PTPRM: variants seen among roughly 807,000 people sequenced by gnomAD.
PTPRM encodes receptor-type tyrosine-protein phosphatase mu.
In PTPRM, 47 loss-of-function variants were observed where a neutral mutation model predicts 186.7. That is an observed-to-expected ratio of 0.25 (90% CI 0.20 to 0.32). The LOEUF (loss-of-function observed/expected upper bound fraction) is 0.32, where lower values mean the gene tolerates loss of function less well. Ranked by LOEUF, PTPRM falls within the 10% of genes least tolerant of loss-of-function variation. The pLI is 1.00. For synonymous variants in PTPRM, 668 were observed against 674.9 expected (o/e 0.99, Z 0.16); for missense variants, 1,494 against 1,865.0 (o/e 0.80, Z 3.66).
At chr18:7,598,981 T>G (rs995933448) in intron 1 of PTPRM, among the ~76,000 whole-genome samples, 1 of 152,106 alleles carries the variant, frequency 6.6e-6, no homozygotes, top group Non-Finnish European at 1.5e-5. Context: ...TTAGACTAAA[T>G]AAAGATATTT....
chr18:7,861,806 A>G (rs1290557676), intron 2 of PTPRM, among the ~76,000 whole-genome samples: 1 of 152,102 alleles, frequency 6.6e-6, no homozygotes, highest in Non-Finnish European at 1.5e-5. Context: ...GCACATAAAC[A>G]GGAAGCCAAA....
intron 13 of PTPRM, among the ~76,000 whole-genome samples, chr18:8,137,999 G>C (rs147718517): frequency 0.018 from 2,721 of 152,240 alleles, 54 homozygotes; most frequent in African/African-American, 0.048. Context: ...AGCACAAAAC[G>C]TACTAAATAA....
At chr18:7,862,437 G>T (rs1247623334) in intron 2 of PTPRM, among the ~76,000 whole-genome samples, 1 of 152,100 alleles carries the variant, frequency 6.6e-6, no homozygotes. Flanking sequence ...CCACATTCAG[G>T]TGTTTTCAAT....
chr18:7,688,773 C>G (rs1026883405), intron 1 of PTPRM, among the ~76,000 whole-genome samples: 1 of 152,124 alleles, frequency 6.6e-6, no homozygotes, highest in Non-Finnish European at 1.5e-5. Flanking sequence ...GCCAACTTGT[C>G]AGGAATAAAT....
rs370233267 is a variant in PTPRM at position 8,296,241 on chromosome 18, G to C, written c.2755-127G>C. On this transcript the variant is annotated intron_variant, in intron 19 of 32. Transcript: ENST00000580170. ...TATAAATGTAGTGTAATAATCCCTT[G>C]TCTCATTTCTGTCGGCATTCTTTCC... 424 of 636,944 alleles carry C rather than the reference G, an allele frequency of 6.7e-4. 5 individuals are homozygous for C. The South Asian group carries it at 8.2e-3, about 12-fold the overall frequency. 39.5% of individuals were successfully genotyped at this position (636,944 alleles called of 1,614,324 possible).
At chr18:8,263,718 C>T (rs2094662876) in intron 19 of PTPRM, among the ~76,000 whole-genome samples, 1 of 152,150 alleles carries the variant, frequency 6.6e-6, no homozygotes, top group African/African-American at 2.4e-5. Context: ...AGAGATCACA[C>T]TCTCTAAAAA....
At position 7,578,332 on chromosome 18, in the gene PTPRM, ATTT is replaced by A. The variant is rs34096793; in HGVS notation, c.73+10460_73+10462del. Reference sequence around the variant, plus strand: ...GTGCATCACCATGCCTGGCTAATTAATTTTTTTTTTTTTTTTTTTTTGAGACGG... The same window carrying A: ...GTGCATCACCATGCCTGGCTAATTAATTTTTTTTTTTTTTTTTTGAGACGG... On this transcript the variant is annotated intron_variant, in intron 1 of 32. Transcript: ENST00000580170. Among the ~76,000 whole-genome samples the A allele has an allele frequency of 0.029, 3,556 of 121,474 alleles. 319 individuals are homozygous for A. The East Asian group carries it at 0.31, about 11-fold the overall frequency. The allele number at this position is 121,474 out of a possible 152,430, so 79.7% of individuals were successfully genotyped here. A position where few individuals can be genotyped will look rare whatever the true frequency, so the allele number is the denominator to read the frequency against.
intron 7 of PTPRM, among the ~76,000 whole-genome samples, chr18:8,040,146 T>C (rs924506742): frequency 1.3e-5 from 2 of 152,184 alleles, no homozygotes; most frequent in Non-Finnish European, 2.9e-5. Context: ...TGAAGACTTC[T>C]GGGTGTGTTG....
At chr18:7,789,428 T>C (rs1367263749) in intron 2 of PTPRM, among the ~76,000 whole-genome samples, 1 of 152,148 alleles carries the variant, frequency 6.6e-6, no homozygotes, top group East Asian at 1.9e-4. Flanking sequence ...GATCAATGCT[T>C]TACTTGACAG....
intron 2 of PTPRM, among the ~76,000 whole-genome samples, chr18:7,785,623 C>G (rs1240746631): frequency 6.6e-6 from 1 of 152,204 alleles, no homozygotes; most frequent in Non-Finnish European, 1.5e-5. Context: ...GTCATGCCAA[C>G]ACAGTTTTTC....
At chr18:8,104,166 A>T (rs1383637400) in intron 11 of PTPRM, among the ~76,000 whole-genome samples, 1 of 152,240 alleles carries the variant, frequency 6.6e-6, no homozygotes, top group Non-Finnish European at 1.5e-5. Context: ...TGTAAGATAA[A>T]TGGCACTGAC....
intron 7 of PTPRM, among the ~76,000 whole-genome samples, chr18:8,068,746 TTCCA>T (rs1409751776): frequency 6.6e-6 from 1 of 152,256 alleles, no homozygotes; most frequent in East Asian, 1.9e-4. Flanking sequence ...TACTCTTGTT[TTCCA>T]ATTACATGAT....
chr18:7,710,775 A>G (rs2040195286), intron 1 of PTPRM, among the ~76,000 whole-genome samples: 1 of 152,174 alleles, frequency 6.6e-6, no homozygotes, highest in African/African-American at 2.4e-5. Context: ...GAATAACATC[A>G]AGAACTCAAT....
At chr18:8,165,299 G>A (rs184167058) in intron 14 of PTPRM, among the ~76,000 whole-genome samples, 190 of 152,272 alleles carry the variant, frequency 1.2e-3, no homozygotes, top group Non-Finnish European at 2.5e-3. Context: ...AGCACTCAGT[G>A]GTACTTGTAC....
chr18:8,117,959 T>C (rs542955948), intron 13 of PTPRM, among the ~76,000 whole-genome samples: 19 of 152,184 alleles, frequency 1.2e-4, no homozygotes, highest in Non-Finnish European at 2.6e-4. Flanking sequence ...GTTTTAGTGA[T>C]TAGTGTATGT....
chr18:7,778,815 A>C (rs1041490845), intron 2 of PTPRM, among the ~76,000 whole-genome samples: 3 of 152,120 alleles, frequency 2.0e-5, no homozygotes, highest in African/African-American at 7.2e-5. Flanking sequence ...TATCATAAGG[A>C]TTACTATTTG....
intron 13 of PTPRM, among the ~76,000 whole-genome samples, chr18:8,136,432 A>G (rs569272041): frequency 6.6e-6 from 1 of 152,348 alleles, no homozygotes; most frequent in Admixed American, 6.5e-5. Flanking sequence ...AGCCACATCA[A>G]TAAATGAGGC....
rs2039153614 is a variant in PTPRM, at chr18:7,668,795, G to A, written c.73+100904G>A. ...TGCCATTCCTGCACCCAGAGGCCTA[G>A]AACTTCCTTACCCTGAGCTGTTTTT... On this transcript the variant is annotated intron_variant, in intron 1 of 32. Transcript: ENST00000580170. This position sits in a 1 kb window ranked among gnomAD's most constrained non-coding sequence, Gnocchi z 4.7. Among the ~76,000 whole-genome samples, 1 of 152,194 alleles carries A rather than the reference G, an allele frequency of 6.6e-6. No homozygotes were observed. The highest frequency in any genetic ancestry group is 1.5e-5 in the Non-Finnish European group (1 of 68,040).
At chr18:7,709,150 A>C (rs1400308360) in intron 1 of PTPRM, among the ~76,000 whole-genome samples, 2 of 152,178 alleles carry the variant, frequency 1.3e-5, no homozygotes, top group Non-Finnish European at 2.9e-5. Context: ...AAGATAGGCC[A>C]TATGATAGAC....
Sources: allele counts gnomAD v4.1 joint callset (sites outside exome capture counted in the v4.1 genomes callset), GRCh38; gene constraint gnomAD v4.1.1; non-coding constraint Gnocchi (gnomAD v3.1); transcripts MANE v1.5; gene names NCBI Gene and HGNC (gene_info 2026-07-23, HGNC 2026-07-21).